COL23A1: variants seen among roughly 807,000 people sequenced by gnomAD.
COL23A1 encodes collagen type XXIII alpha 1 chain.
In COL23A1, 97 loss-of-function variants were observed where a neutral mutation model predicts 99.3. The observed-to-expected ratio is 0.98, with a 90% CI of 0.83 to 1.16. The LOEUF is 1.16. Among genes scored for constraint, COL23A1 ranks in the 50% most tolerant of loss-of-function variants. The probability of loss-of-function intolerance (pLI) is 0.00; values close to 1 mark genes in which losing one functional copy is unlikely to be tolerated. For missense variants in COL23A1, 762 were observed against 757.4 expected, an observed-to-expected ratio of 1.01 and a Z score of -0.07; for synonymous variants, 320 against 308.2, an observed-to-expected ratio of 1.04 and a Z score of -0.40.
intron 2 of COL23A1, among the ~76,000 whole-genome samples, chr5:178,517,568 G>GTTTTTTTTTTTTTTTTTTTT (rs70997606): frequency 9.2e-6 from 1 of 108,242 alleles, no homozygotes; most frequent in African/African-American, 3.9e-5. Flanking sequence ...TTTTTTTTTT[G>GTTTTTTTTTTTTTTTTTTTT]TTTTTTTTTT....
intron 2 of COL23A1, among the ~76,000 whole-genome samples, chr5:178,492,340 A>C (rs921078904): frequency 6.6e-6 from 1 of 152,148 alleles, no homozygotes; most frequent in Non-Finnish European, 1.5e-5. Flanking sequence ...CAACGGGACC[A>C]GTGTCCTCCT....
At chr5:178,326,907 A>G (rs1759707429) in intron 2 of COL23A1, among the ~76,000 whole-genome samples, 1 of 152,128 alleles carries the variant, frequency 6.6e-6, no homozygotes, top group Non-Finnish European at 1.5e-5. Context: ...TTTAGTAGAG[A>G]CGGGGTTTCA....
At chr5:178,469,613 C>G (rs1455312710) in intron 2 of COL23A1, among the ~76,000 whole-genome samples, 1 of 152,094 alleles carries the variant, frequency 6.6e-6, no homozygotes. Flanking sequence ...CCCCGGGCAG[C>G]TGGCAGCTGG....
chr5:178,544,348 C>T lies in COL23A1; in HGVS notation c.361+16334G>A, dbSNP rs1313386578. Among the ~76,000 whole-genome samples, 4 of 152,186 alleles carry T rather than the reference C, an allele frequency of 2.6e-5. No homozygotes were observed. Among genetic ancestry groups the T allele is most frequent in the Admixed American group, 1.3e-4 (2 of 15,274 alleles). ...GGATCCCAAGGCGGGGAAGGCAAGTCGGCGGATGCGCACTTCAGGGAGGAC... is the reference window on the plus strand; with the variant it reads ...GGATCCCAAGGCGGGGAAGGCAAGTTGGCGGATGCGCACTTCAGGGAGGAC... On this transcript the variant is annotated intron_variant, in intron 2 of 28. Transcript: ENST00000390654. This position sits in a 1 kb window ranked among gnomAD's most constrained non-coding sequence, Gnocchi z 4.4.
intron 2 of COL23A1, among the ~76,000 whole-genome samples, chr5:178,460,207 C>G (rs1756040937): frequency 6.6e-6 from 1 of 152,104 alleles, no homozygotes; most frequent in African/African-American, 2.4e-5. Context: ...ATGCAGAACC[C>G]CCAGATTTTA....
chr5:178,339,392 C>T (rs1172625241), intron 2 of COL23A1, among the ~76,000 whole-genome samples: 1 of 152,206 alleles, frequency 6.6e-6, no homozygotes, highest in African/African-American at 2.4e-5. Context: ...CTAAGACTCC[C>T]GAAATGAGAT....
At chr5:178,399,443 C>T (rs1764319847) in intron 2 of COL23A1, among the ~76,000 whole-genome samples, 2 of 152,230 alleles carry the variant, frequency 1.3e-5, no homozygotes, top group African/African-American at 4.8e-5. Flanking sequence ...GGAGCCAGCA[C>T]CTTCTCCTTT....
At chr5:178,564,053 G>C (rs1762733089) in intron 1 of COL23A1, among the ~76,000 whole-genome samples, 1 of 152,188 alleles carries the variant, frequency 6.6e-6, no homozygotes, top group Non-Finnish European at 1.5e-5. Context: ...AACAACTGCT[G>C]TCACACTTGG....
At chr5:178,256,819 G>T (rs776578327) in intron 14 of COL23A1, 47 bp downstream of exon 14, 7 of 1,573,554 alleles carry the variant, frequency 4.4e-6, no homozygotes, top group East Asian at 2.3e-5. Flanking sequence ...CTGGGTGGAG[G>T]TCTGAGCGGG....
chr5:178,586,105 AG>A (rs1763991859), intron 1 of COL23A1, among the ~76,000 whole-genome samples: 1 of 152,208 alleles, frequency 6.6e-6, no homozygotes, highest in Non-Finnish European at 1.5e-5. Context: ...AAAGGACAAG[AG>A]AACGGCAGAG....
intron 2 of COL23A1, among the ~76,000 whole-genome samples, chr5:178,413,013 C>T (rs946274443): frequency 2.2e-4 from 12 of 53,628 alleles, no homozygotes; most frequent in Non-Finnish European, 3.5e-4. Context: ...CATAGCAAGA[C>T]CCATTTCTAC....
chr5:178,482,469 T>C (rs1009317725), intron 2 of COL23A1, among the ~76,000 whole-genome samples: 7 of 152,200 alleles, frequency 4.6e-5, no homozygotes, highest in African/African-American at 1.7e-4. Context: ...TGGGGAATTA[T>C]CGTTTAATGG....
chr5:178,403,430 C>T (rs147680093), intron 2 of COL23A1, among the ~76,000 whole-genome samples: 10 of 152,284 alleles, frequency 6.6e-5, no homozygotes, highest in Admixed American at 3.3e-4. Context: ...GAGTTTCAAA[C>T]GCGTTATCTC....
intron 2 of COL23A1, among the ~76,000 whole-genome samples, chr5:178,429,598 G>A (rs1205100855): frequency 1.3e-5 from 2 of 152,156 alleles, no homozygotes; most frequent in Admixed American, 6.5e-5. Context: ...CTTTTCATGC[G>A]TAAAATGTAG....
intron 2 of COL23A1, among the ~76,000 whole-genome samples, chr5:178,488,931 C>A (rs753393747): frequency 6.6e-6 from 1 of 152,226 alleles, no homozygotes; most frequent in Non-Finnish European, 1.5e-5. Flanking sequence ...TGCAAACACA[C>A]CAGCTCTCCA....
chr5:178,246,055 CA>C, intron 24 of COL23A1, 87 bp from the exon 25 acceptor site: 3 of 1,516,458 alleles, frequency 2.0e-6, no homozygotes, highest in Middle Eastern at 2.0e-4. Flanking sequence ...GTGGGTTGGC[CA>C]CAGACATGGG....
At chr5:178,290,019 C>T (rs1461672800) in intron 4 of COL23A1, among the ~76,000 whole-genome samples, 1 of 152,144 alleles carries the variant, frequency 6.6e-6, no homozygotes, top group African/African-American at 2.4e-5. Context: ...CAACCTCTGC[C>T]TCCTGGGTTC....
intron 1 of COL23A1, among the ~76,000 whole-genome samples, chr5:178,566,323 G>T (rs567065573): frequency 2.0e-5 from 3 of 152,260 alleles, no homozygotes; most frequent in East Asian, 1.9e-4. Flanking sequence ...TTATGCATTT[G>T]TCAAAAACCA....
chr5:178,455,050 G>A (rs547336022), intron 2 of COL23A1, among the ~76,000 whole-genome samples: 4 of 152,198 alleles, frequency 2.6e-5, no homozygotes, highest in Non-Finnish European at 4.4e-5. Context: ...TGCACACAAC[G>A]GTGGCCACGC....
Sources: gnomAD v4.1 joint callset for allele counts (sites outside exome capture counted in the v4.1 genomes callset) on GRCh38, gnomAD v4.1.1 for gene constraint, Gnocchi (gnomAD v3.1) non-coding constraint, MANE v1.5 for transcripts, NCBI Gene and HGNC (gene_info 2026-07-23, HGNC 2026-07-21) for gene names.